ADAMTS4: variants seen among roughly 807,000 people sequenced by gnomAD.
The protein encoded by ADAMTS4 is A disintegrin and metalloproteinase with thrombospondin motifs 4.
In ADAMTS4, 38 loss-of-function variants were observed where a neutral mutation model predicts 66.7. The ratio of observed to expected loss-of-function variants is 0.57; its 90% CI spans 0.44 to 0.75. The LOEUF (loss-of-function observed/expected upper bound fraction) is 0.75. Among genes scored for constraint, ADAMTS4 ranks in the 30% least tolerant of loss-of-function variants. The pLI is 0.00. For synonymous variants in ADAMTS4, 418 were observed against 461.5 expected, an observed-to-expected ratio of 0.91 and a Z score of 1.21; for missense variants, 1,014 against 1,116.7, an observed-to-expected ratio of 0.91 and a Z score of 1.31.
rs1220288597 is a variant in ADAMTS4, at chr1:161,198,208, T to A, written c.420A>T (p.Ala140=). 1.9e-6 allele frequency: 3 copies of A among 1,613,964 alleles called. No individual in the cohort carries two copies. The highest frequency in any genetic ancestry group is 2.5e-6 in the Non-Finnish European group (3 of 1,179,990). ...GGGCTCCCCCATCCCAGTGCAGAGA[T>A]GCCACCGACTCCGGATCTCCATTGA... ...GTINGDPESV[A]SLHWDGGALL... Residue 140 remains alanine, a synonymous_variant, in exon 1 of 9, where the codon GCA becomes GCT. Coordinates refer to ENST00000367996, the MANE Select transcript of ADAMTS4 (RefSeq NM_005099.6). This position sits in a 1 kb window ranked among gnomAD's most constrained non-coding sequence, Gnocchi z 4.7.
At position 161,198,052 on chromosome 1, in the gene ADAMTS4, G is replaced by A; in HGVS notation, c.576C>T (p.Pro192=). The part of the protein sequence containing the change: ...RRKSPASGQG[P]MCNVKAPLGS... The stretch of plus-strand genomic sequence containing the variant: ...CAAGAGGAGCCTTGACGTTGCACAT[G>A]GGACCTTGACCGCTGGCAGGACTCT... Residue 192 remains proline (P), a synonymous_variant, in exon 1 of 9, where the codon CCC becomes CCT. Transcript: ENST00000367996. The surrounding 1 kb of genome is among the most constrained non-coding windows in gnomAD (Gnocchi z 4.7). 5.0e-6 allele frequency: 8 copies of A among 1,603,906 alleles called. No individual in the cohort carries two copies. Among genetic ancestry groups the A allele is most frequent in the Non-Finnish European group, 6.8e-6 (8 of 1,173,240 alleles).
At chr1:161,191,713 T>A in intron 8 of ADAMTS4, 149 bp from the exon 9 acceptor site, 1 of 827,924 alleles carries the variant, frequency 1.2e-6, no homozygotes, top group Non-Finnish European at 1.9e-6. Flanking sequence ...CAGAGCTACA[T>A]GCACATGTGC....
chr1:161,194,179 G>A lies in ADAMTS4; in HGVS notation c.1304C>T (p.Pro435Leu), dbSNP rs1445240861. ...LDKPEAPLHLPVTFPGKDYDA... is the reference protein window; with the variant it reads ...LDKPEAPLHLLVTFPGKDYDA... Reference sequence around the variant, plus strand: ...ATAGTCCTTGCCAGGGAAAGTCACAGGCAGATGCAATGGAGCCTCTGGTTT... The same window carrying A: ...ATAGTCCTTGCCAGGGAAAGTCACAAGCAGATGCAATGGAGCCTCTGGTTT... The change falls in exon 5 of 9, where the codon CCT (proline) becomes CTT (leucine). Residue 435 changes from proline (P) to leucine (L), a missense_variant. Pro to Leu is a moderately conservative substitution (Grantham distance 98). Coordinates refer to ENST00000367996, the MANE Select transcript of ADAMTS4 (RefSeq NM_005099.6). This position sits in a 1 kb window ranked among gnomAD's most constrained non-coding sequence, Gnocchi z 4.1. 4 of 1,614,152 alleles carry A rather than the reference G, an allele frequency of 2.5e-6. No homozygotes were observed. Among genetic ancestry groups the A allele is most frequent in the Non-Finnish European group, 3.4e-6 (4 of 1,180,018 alleles).
At position 161,193,847 on chromosome 1, in the gene ADAMTS4, A is replaced by G; in HGVS notation, c.1549-21T>C. On this transcript the variant is annotated intron_variant, in intron 5 of 8. Coordinates refer to ENST00000367996, the MANE Select transcript of ADAMTS4 (RefSeq NM_005099.6). This position sits in a 1 kb window ranked among gnomAD's most constrained non-coding sequence, Gnocchi z 4.4. ...GGAATCTGCAAAGGCACAGAACGGA[A>G]GTGGGGCATAAGTGAACTCTCTCCT... 6.3e-7 allele frequency: 1 copy of G among 1,586,020 alleles called. No individual in the cohort carries two copies. The highest frequency in any genetic ancestry group is 8.6e-7 in the Non-Finnish European group (1 of 1,165,024).
rs143851585 is a variant in ADAMTS4 at position 161,193,214 on chromosome 1, C to T, written c.1910G>A (p.Arg637Gln). The T allele has an allele frequency of 2.8e-5, 45 of 1,611,584 alleles. No individual in the cohort carries two copies. The highest frequency in any genetic ancestry group is 6.6e-5 in the South Asian group (6 of 90,886). Residue 637 changes from arginine to glutamine, a missense_variant and splice_region_variant, in exon 7 of 9, where the codon CGG becomes CAG. By Grantham distance (43) the Arg-to-Gln change is conservative. Coordinates refer to ENST00000367996, the MANE Select transcript of ADAMTS4 (RefSeq NM_005099.6). This position sits in a 1 kb window ranked among gnomAD's most constrained non-coding sequence, Gnocchi z 4.4. ...GCCTGGGGGTGTCCTGACCCTCACC[C>T]GTGGCTCCAGCACATAGTAGTAGCC... ...ALGYYYVLEP[R>Q]VVDGTPCSPD...
In ADAMTS4 at chr1:161,188,585, G is replaced by A. The variant is rs2102008510; in HGVS notation, c.*2553C>T. 1.3e-5 allele frequency: 2 copies of A among 149,558 alleles called. No individual in the cohort carries two copies. Among genetic ancestry groups the A allele is most frequent in the Admixed American group, 1.3e-4 (2 of 14,932 alleles). The allele number at this position is 149,558 out of a possible 1,614,324, so 9.3% of individuals were successfully genotyped here. ...CTTGCCCAGAGGGGAAAATGCAGAT[G>A]TTTTATTCCCTCCCTCTCCTCAGGC... On this transcript the variant is annotated 3_prime_UTR_variant, in exon 9 of 9. Coordinates refer to ENST00000367996, the MANE Select transcript of ADAMTS4 (RefSeq NM_005099.6).
In ADAMTS4 at chr1:161,189,088, A is replaced by G. The variant is rs1462490502; in HGVS notation, c.*2050T>C. On this transcript the variant is annotated 3_prime_UTR_variant, in exon 9 of 9. Transcript: ENST00000367996. Reference sequence around the variant, plus strand: ...TATTCTAATCTCACATCTTCTAGGCATTCTGCTGGGTTTACACTGGCAGAT... The same window carrying G: ...TATTCTAATCTCACATCTTCTAGGCGTTCTGCTGGGTTTACACTGGCAGAT... The G allele has an allele frequency of 1.3e-5, 2 of 151,656 alleles. No homozygotes were observed. Among genetic ancestry groups the G allele is most frequent in the East Asian group, 3.9e-4 (2 of 5,166 alleles). 9.4% of individuals were successfully genotyped at this position (151,656 alleles called of 1,614,324 possible). A position where few individuals can be genotyped will look rare whatever the true frequency, so the allele number is the denominator to read the frequency against.
chr1:161,191,150 C>T lies in ADAMTS4; in HGVS notation c.2502G>A (p.Ala834=), dbSNP rs200032286. ...ILEILRRRPW[A]GRK Reference sequence around the variant, plus strand: ...CGGGATAGTGAGGTTATTTCCTGCCCGCCCAGGGGCGCCGCCGAAGGATCT... The same window carrying T: ...CGGGATAGTGAGGTTATTTCCTGCCTGCCCAGGGGCGCCGCCGAAGGATCT... Residue 834 remains alanine (A), a synonymous_variant, in exon 9 of 9, where the codon GCG becomes GCA. Coordinates refer to ENST00000367996, the MANE Select transcript of ADAMTS4 (RefSeq NM_005099.6). The T allele has an allele frequency of 2.2e-5, 34 of 1,550,620 alleles. No homozygotes were observed. Among genetic ancestry groups the T allele is most frequent in the East Asian group, 1.1e-4 (5 of 44,160 alleles).
At chr1:161,197,248 G>A (rs1414985309) in intron 1 of ADAMTS4, 2 of 228,326 alleles carry the variant, frequency 8.8e-6, no homozygotes, top group East Asian at 1.3e-4. Context: ...CTAGAGGGCT[G>A]GGCTGCAACG....
chr1:161,198,258 G>A lies in ADAMTS4; in HGVS notation c.370C>T (p.Pro124Ser). ...QAPELLGGAE[P>S]GTYLTGTING... is the part of the protein sequence containing the mutation. ...ATGGTGCCAGTCAGGTAGGTGCCAG[G>A]CTCTGCTCCACCCAGCAGCTCAGGC... The change falls in exon 1 of 9, where the codon CCT (proline) becomes TCT (serine). Residue 124 changes from proline to serine, a missense_variant. Transcript: ENST00000367996. This position sits in a 1 kb window ranked among gnomAD's most constrained non-coding sequence, Gnocchi z 4.7. 1 of 1,613,962 alleles carries A rather than the reference G, an allele frequency of 6.2e-7. No homozygotes were observed. The highest frequency in any genetic ancestry group is 8.5e-7 in the Non-Finnish European group (1 of 1,179,998).
At chr1:161,197,949 A>T (rs769266138) in intron 1 of ADAMTS4, 46 bp downstream of exon 1, 3 of 1,520,654 alleles carry the variant, frequency 2.0e-6, no homozygotes, top group Admixed American at 2.2e-5. Flanking sequence ...AGTAGGACAG[A>T]CATGGCGGGA....
chr1:161,185,158 A>G lies in ADAMTS4; in HGVS notation c.*5980T>C, dbSNP rs1664520028. On this transcript the variant is annotated 3_prime_UTR_variant, in exon 9 of 9. Coordinates refer to ENST00000367996, the MANE Select transcript of ADAMTS4 (RefSeq NM_005099.6). ...ATGTATACATATGTAACTAACCTGCACATTGTGCACATGTACCCTAAAACT... is the reference window on the plus strand; with the variant it reads ...ATGTATACATATGTAACTAACCTGCGCATTGTGCACATGTACCCTAAAACT... 1 of 152,090 alleles carries G rather than the reference A, an allele frequency of 6.6e-6. No homozygotes were observed. Among genetic ancestry groups the G allele is most frequent in the Non-Finnish European group, 1.5e-5 (1 of 68,028 alleles). The allele number at this position is 152,090 out of a possible 1,614,324, so 9.4% of individuals were successfully genotyped here.
chr1:161,197,727 G>A (rs1218555733), intron 1 of ADAMTS4, among the ~76,000 whole-genome samples: 1 of 152,074 alleles, frequency 6.6e-6, no homozygotes, highest in East Asian at 1.9e-4. Context: ...GCCAGGAAGG[G>A]GTGGGGTGGG....
rs761421146 is a variant in ADAMTS4 at position 161,193,778 on chromosome 1, A to G, written c.1597T>C (p.Ser533Pro). The G allele has an allele frequency of 2.5e-6, 4 of 1,613,612 alleles. No homozygotes were observed. The highest frequency in any genetic ancestry group is 1.7e-6 in the Non-Finnish European group (2 of 1,179,728). The change falls in exon 6 of 9, where the codon TCT (serine) becomes CCT (proline). Residue 533 changes from serine to proline, a missense_variant. Ser to Pro is a moderately conservative substitution (Grantham distance 74, BLOSUM62 -1). Transcript: ENST00000367996. This position sits in a 1 kb window ranked among gnomAD's most constrained non-coding sequence, Gnocchi z 4.4. ...WGPWGPWGDC[S>P]RTCGGGVQFS... ...TGGACACCACCCCCACAGGTCCGAG[A>G]GCAGTCACCCCATGGTCCCCAAGGA... is the stretch of plus-strand genomic sequence containing the variant.
At chr1:161,195,922 TACACACACACAG>T in intron 3 of ADAMTS4, 1 of 520,374 alleles carries the variant, frequency 1.9e-6, no homozygotes, top group East Asian at 3.3e-5. Flanking sequence ...CCCCTCCAAA[TACACACACACAG>T]ACACACACAC....
At chr1:161,195,021 TAAAAC>T (rs549839279) in intron 4 of ADAMTS4, among the ~76,000 whole-genome samples, 18 of 152,108 alleles carry the variant, frequency 1.2e-4, no homozygotes, top group African/African-American at 2.4e-4. Context: ...CATCTGTATT[TAAAAC>T]AAAACAAAAC....
chr1:161,193,590 TCC>T lies in ADAMTS4; in HGVS notation c.1735+48_1735+49del. Reference sequence around the variant, plus strand: ...GGTCTTGCACTCAAGGGACAGTCCTTCCTGCTCTACTGTCCCCTCCCAAGGGC... The same window carrying T: ...GGTCTTGCACTCAAGGGACAGTCCTTTGCTCTACTGTCCCCTCCCAAGGGC... On this transcript the variant is annotated intron_variant, in intron 6 of 8. Coordinates refer to ENST00000367996, the MANE Select transcript of ADAMTS4 (RefSeq NM_005099.6). This position sits in a 1 kb window ranked among gnomAD's most constrained non-coding sequence, Gnocchi z 4.4. 1 of 1,565,170 alleles carries T rather than the reference TCC, an allele frequency of 6.4e-7. No individual in the cohort carries two copies. Among genetic ancestry groups the T allele is most frequent in the Non-Finnish European group, 8.7e-7 (1 of 1,153,680 alleles).
Position 161,193,760 on chromosome 1 carries a change from C to T in ADAMTS4, c.1615G>A (p.Gly539Ser). 2 of 1,614,106 alleles carry T rather than the reference C, an allele frequency of 1.2e-6. No individual in the cohort carries two copies. Among genetic ancestry groups the T allele is most frequent in the South Asian group, 2.2e-5 (2 of 91,072 alleles). ...CAGTCTCGGGAGGAGAACTGGACAC[C>T]ACCCCCACAGGTCCGAGAGCAGTCA... is the stretch of plus-strand genomic sequence containing the variant. ...WGDCSRTCGG[G>S]VQFSSRDCTR... The change falls in exon 6 of 9, where the codon GGT becomes AGT. Residue 539 changes from glycine (G) to serine (S), a missense_variant. Transcript: ENST00000367996. The surrounding 1 kb of genome is among the most constrained non-coding windows in gnomAD (Gnocchi z 4.4).
intron 1 of ADAMTS4, among the ~76,000 whole-genome samples, 175 bp downstream of exon 1, chr1:161,197,820 G>A (rs1481427142): frequency 6.6e-6 from 1 of 152,090 alleles, no homozygotes; most frequent in Non-Finnish European, 1.5e-5. Flanking sequence ...GAAGGGTGAA[G>A]GGGAGAGGCC....
Sources: gnomAD v4.1 joint callset for allele counts (sites outside exome capture counted in the v4.1 genomes callset) on GRCh38, gnomAD v4.1.1 for gene constraint, Gnocchi (gnomAD v3.1) non-coding constraint, MANE v1.5 for transcripts, NCBI Gene and HGNC (gene_info 2026-07-23, HGNC 2026-07-21) for gene names.